The following ZDHHC11B variants were observed in gnomAD, a reference collection of about 807,000 sequenced individuals.
ZDHHC11B encodes probable palmitoyltransferase ZDHHC11B.
A neutral mutation model predicts 42.3 loss-of-function variants in ZDHHC11B; 17 were observed. That is an observed-to-expected ratio of 0.40 (90% CI 0.27 to 0.60). ZDHHC11B has a LOEUF of 0.60. ZDHHC11B is among the 20% of genes least tolerant of loss of function. The pLI, the probability that ZDHHC11B is intolerant of heterozygous loss-of-function variation, is 0.41. For missense variants in ZDHHC11B, 262 were observed against 463.2 expected, an observed-to-expected ratio of 0.57 and a Z score of 3.99; for synonymous variants, 123 against 193.5, an observed-to-expected ratio of 0.64 and a Z score of 3.02.
chr5:765,831 T>A (rs181410762), intron 4 of ZDHHC11B, among the ~76,000 whole-genome samples: 2 of 152,018 alleles, frequency 1.3e-5, no homozygotes, highest in African/African-American at 4.8e-5. Flanking sequence ...CTTTAAGAAC[T>A]GTAACACTCA....
Position 733,144 on chromosome 5 carries a change from C to T in ZDHHC11B, c.1023+608G>A, listed in dbSNP as rs921650240. 1.3e-4 allele frequency among the ~76,000 whole-genome samples: 19 copies of T among 150,660 alleles called. 1 individual carries two copies. The highest frequency in any genetic ancestry group is 3.2e-4 in the African/African-American group (13 of 40,802). ...TATGTGGCCCTAAAGCCGGCAGCCGCGCTGGTCTTTTCCTGTGAAGGATGG... is the reference window on the plus strand; with the variant it reads ...TATGTGGCCCTAAAGCCGGCAGCCGTGCTGGTCTTTTCCTGTGAAGGATGG... On this transcript the variant is annotated intron_variant, in intron 11 of 13. Coordinates refer to ENST00000508859, the MANE Select transcript of ZDHHC11B (RefSeq NM_001351303.2).
chr5:765,484 A>G (rs1735150319), intron 4 of ZDHHC11B, among the ~76,000 whole-genome samples: 1 of 151,894 alleles, frequency 6.6e-6, no homozygotes, highest in Non-Finnish European at 1.5e-5. Context: ...AAACGGACCA[A>G]TCAGCTCTCT....
At position 730,384 on chromosome 5, in the gene ZDHHC11B, A is replaced by G. The variant is rs764071035; in HGVS notation, c.1058+50T>C. 5 of 1,552,016 alleles carry G rather than the reference A, an allele frequency of 3.2e-6. No individual in the cohort carries two copies. The Admixed American group carries it at 6.3e-5, about 19-fold the overall frequency. The stretch of plus-strand genomic sequence containing the variant: ...ATATTTTCCTAGGTAATTTGAGTTC[A>G]GGCAAGTGTACAGACAGATAAAACG... On this transcript the variant is annotated intron_variant, in intron 12 of 13. Coordinates refer to ENST00000508859, the MANE Select transcript of ZDHHC11B (RefSeq NM_001351303.2).
In ZDHHC11B at chr5:739,156, A is replaced by T. The variant is rs545122805; in HGVS notation, c.935+2438T>A. Among the ~76,000 whole-genome samples the T allele has an allele frequency of 6.2e-3, 940 of 150,464 alleles. 23 individuals carry two copies. The highest frequency in any genetic ancestry group is 0.011 in the Admixed American group (174 of 15,148). ...GCTCATGTCTGTAATCCCAGTCCTT[A>T]CAGAGGCTGGGGCAGGCAGATCACT... On this transcript the variant is annotated intron_variant, in intron 10 of 13. Coordinates refer to ENST00000508859, the MANE Select transcript of ZDHHC11B (RefSeq NM_001351303.2).
chr5:737,026 A>G (rs2127022477), intron 10 of ZDHHC11B, among the ~76,000 whole-genome samples: 1 of 148,184 alleles, frequency 6.7e-6, no homozygotes, highest in African/African-American at 2.5e-5. Context: ...GATAAATCAA[A>G]AAGCCAGTTT....
At chr5:739,515 T>G (rs1376655425) in intron 10 of ZDHHC11B, among the ~76,000 whole-genome samples, 1 of 149,768 alleles carries the variant, frequency 6.7e-6, no homozygotes, top group Non-Finnish European at 1.5e-5. Flanking sequence ...TAGGAAAAAA[T>G]GCTGAACATC....
rs1318456222 is a variant in ZDHHC11B at position 726,970 on chromosome 5, G to A, written c.1058+3464C>T. Among the ~76,000 whole-genome samples the A allele has an allele frequency of 6.2e-5, 8 of 129,226 alleles. 1 individual carries two copies. The Admixed American group carries it at 6.3e-4, about 10-fold the overall frequency. The allele number at this position is 129,226 out of a possible 152,430, so 84.8% of individuals were successfully genotyped here. A position where few individuals can be genotyped will look rare whatever the true frequency, so the allele number is the denominator to read the frequency against. ...TTCAAAGTAAAATTCAGAATAACCT[G>A]AATTCACTAAATCAAAGAAAACCAG... is the stretch of plus-strand genomic sequence containing the variant. On this transcript the variant is annotated intron_variant, in intron 12 of 13. Coordinates refer to ENST00000508859, the MANE Select transcript of ZDHHC11B (RefSeq NM_001351303.2).
chr5:717,505 AT>A lies in ZDHHC11B; in HGVS notation c.1059-641del, dbSNP rs1443971654. ...AACGCGCAAAATTTTGCTTTGAAAG[AT>A]TTTGAAAGACCCACAAGCAAAAAAG... On this transcript the variant is annotated intron_variant, in intron 12 of 13. Transcript: ENST00000508859. Among the ~76,000 whole-genome samples, 5 of 151,688 alleles carry A rather than the reference AT, an allele frequency of 3.3e-5. 1 individual carries two copies. The highest frequency in any genetic ancestry group is 4.9e-5 in the African/African-American group (2 of 41,094).
At chr5:736,131 C>T (rs938826238) in intron 10 of ZDHHC11B, among the ~76,000 whole-genome samples, 2 of 149,238 alleles carry the variant, frequency 1.3e-5, no homozygotes, top group African/African-American at 4.9e-5. Flanking sequence ...AAAAGATATT[C>T]CATACAAATG....
At chr5:748,875 C>T (rs28476543) in intron 7 of ZDHHC11B, among the ~76,000 whole-genome samples, 10,109 of 62,246 alleles carry the variant, frequency 0.16, 523 homozygotes, top group African/African-American at 0.25. Flanking sequence ...CACTAAGTGC[C>T]GGGGTCACAG....
intron 12 of ZDHHC11B, among the ~76,000 whole-genome samples, chr5:717,929 G>A (rs1384296386): frequency 6.6e-6 from 1 of 151,894 alleles, no homozygotes; most frequent in South Asian, 2.1e-4. Flanking sequence ...GGGAGGGTCT[G>A]CCACCAGATT....
intron 12 of ZDHHC11B, among the ~76,000 whole-genome samples, chr5:718,546 A>C (rs1384195219): frequency 1.3e-5 from 2 of 151,466 alleles, no homozygotes; most frequent in African/African-American, 4.9e-5. Flanking sequence ...AAACAAACAA[A>C]AAAGCTGAAT....
intron 1 of ZDHHC11B, among the ~76,000 whole-genome samples, chr5:769,819 T>A (rs1735839761): frequency 6.6e-6 from 1 of 151,932 alleles, no homozygotes; most frequent in Admixed American, 6.6e-5. Context: ...AGCACTCTGG[T>A]CTTTGCTGAA....
chr5:723,443 C>T (rs1328939380), intron 12 of ZDHHC11B, among the ~76,000 whole-genome samples: 7 of 123,064 alleles, frequency 5.7e-5, no homozygotes, highest in African/African-American at 1.8e-4. Context: ...GAACCAGCAG[C>T]ATCTCCACAC....
Position 756,104 on chromosome 5 carries a change from A to G in ZDHHC11B, c.263T>C (p.Leu88Pro). 1 of 1,446,484 alleles carries G rather than the reference A, an allele frequency of 6.9e-7. No individual in the cohort carries two copies. The highest frequency in any genetic ancestry group is 9.3e-7 in the Non-Finnish European group (1 of 1,080,728). 89.6% of individuals were successfully genotyped at this position (1,446,484 alleles called of 1,614,324 possible). The change falls in exon 5 of 14, where the codon CTG (leucine) becomes CCG (proline). Residue 88 changes from leucine to proline, a missense_variant. Physicochemically the swap from Leu to Pro is moderately conservative, Grantham distance 98. This residue lies in a region of ZDHHC11B where 33 missense variants were observed against 174.6 expected (regional missense o/e 0.19). Coordinates refer to ENST00000508859, the MANE Select transcript of ZDHHC11B (RefSeq NM_001351303.2). ...GIFSFHLVVH[L>P]IASCIDPADS... ...GGCCGGGTCGATGCAGGACGCGATC[A>G]GGTGGACGACGAGGTGGAACGAGAA...
rs1741360885 is a variant in ZDHHC11B at position 711,396 on chromosome 5, TG to T, written c.*893del. The T allele has an allele frequency of 6.4e-6, 1 of 156,548 alleles. No homozygotes were observed. The highest frequency in any genetic ancestry group is 2.0e-4 in the South Asian group (1 of 4,902). 9.7% of individuals were successfully genotyped at this position (156,548 alleles called of 1,614,324 possible). A position where few individuals can be genotyped will look rare whatever the true frequency, so the allele number is the denominator to read the frequency against. The stretch of plus-strand genomic sequence containing the variant: ...GCTGTGAGCTCCCATTTCCTAGTAC[TG>T]TGCTCCCATTTCCCAGTGCTGTGCT... On this transcript the variant is annotated 3_prime_UTR_variant, in exon 14 of 14. Coordinates refer to ENST00000508859, the MANE Select transcript of ZDHHC11B (RefSeq NM_001351303.2).
At chr5:783,458 C>A (rs1462205723) in intron 1 of ZDHHC11B, among the ~76,000 whole-genome samples, 1 of 152,186 alleles carries the variant, frequency 6.6e-6, no homozygotes, top group Non-Finnish European at 1.5e-5. Flanking sequence ...TGGGGGGAGA[C>A]CTCTCCCCCT....
At chr5:717,755 A>G (rs1180343471) in intron 12 of ZDHHC11B, among the ~76,000 whole-genome samples, 2 of 151,918 alleles carry the variant, frequency 1.3e-5, no homozygotes, top group East Asian at 3.9e-4. Context: ...CATGGTCAGG[A>G]GTGTGCTGCA....
Position 711,655 on chromosome 5 carries a change from G to A in ZDHHC11B, c.*635C>T, listed in dbSNP as rs1741384360. The A allele has an allele frequency of 7.0e-6, 1 of 142,808 alleles. No individual in the cohort carries two copies. The allele number at this position is 142,808 out of a possible 1,614,324, so 8.8% of individuals were successfully genotyped here. A position where few individuals can be genotyped will look rare whatever the true frequency, so the allele number is the denominator to read the frequency against. On this transcript the variant is annotated 3_prime_UTR_variant, in exon 14 of 14. Transcript: ENST00000508859. ...CTGTATACTCCTATCTCCCAGTGCTGTTTGCTCCCATTTCCCAGTACTGTG... is the reference window on the plus strand; with the variant it reads ...CTGTATACTCCTATCTCCCAGTGCTATTTGCTCCCATTTCCCAGTACTGTG...
Sources: allele counts gnomAD v4.1 joint callset (sites outside exome capture counted in the v4.1 genomes callset), GRCh38; gene constraint gnomAD v4.1.1; regional missense constraint gnomAD v4.1.1; transcripts MANE v1.5; gene names NCBI Gene and HGNC (gene_info 2026-07-23, HGNC 2026-07-21).